The following MFAP3L variants were observed in gnomAD, a reference collection of about 807,000 sequenced individuals.
MFAP3L encodes microfibril associated protein 3 like.
Under a neutral mutation model 20.0 loss-of-function variants are expected in MFAP3L, and 5 were observed. The ratio of observed to expected loss-of-function variants is 0.25; its 90% CI spans 0.13 to 0.53. The LOEUF (loss-of-function observed/expected upper bound fraction) is 0.53, where lower values mean the gene tolerates loss of function less well. Among genes scored for constraint, MFAP3L ranks in the 20% least tolerant of loss-of-function variants. The probability of loss-of-function intolerance (pLI) is 0.96; values close to 1 mark genes in which losing one functional copy is unlikely to be tolerated. For missense variants in MFAP3L, 409 were observed against 527.5 expected, an observed-to-expected ratio of 0.78 and a Z score of 2.20; for synonymous variants, 219 against 213.0, an observed-to-expected ratio of 1.03 and a Z score of -0.25.
intron 2 of MFAP3L, among the ~76,000 whole-genome samples, chr4:169,999,092 GC>G (rs1738424376): frequency 6.6e-6 from 1 of 152,194 alleles, no homozygotes; most frequent in African/African-American, 2.4e-5. Flanking sequence ...CTGTTACAAG[GC>G]ATCTGCAGAA....
intron 2 of MFAP3L, among the ~76,000 whole-genome samples, chr4:169,999,264 A>G (rs1738439842): frequency 6.6e-6 from 1 of 152,062 alleles, no homozygotes; most frequent in East Asian, 1.9e-4. Context: ...TGTAGAGCGA[A>G]GGTGGCCTGG....
chr4:170,027,121 T>C (rs1730500836), upstream of MFAP3L: 1 of 152,140 alleles, frequency 6.6e-6, no homozygotes, highest in Non-Finnish European at 1.5e-5. Context: ...AAGTTGATTT[T>C]TTAATTAAAA....
chr4:170,022,641 T>C (rs1581531227), intron 1 of MFAP3L, among the ~76,000 whole-genome samples: 1 of 152,286 alleles, frequency 6.6e-6, no homozygotes, highest in East Asian at 1.9e-4. Context: ...CGAGCCATCA[T>C]TCAGGTGGGC....
At chr4:170,010,039 T>C (rs561253171) in intron 1 of MFAP3L, among the ~76,000 whole-genome samples, 1 of 152,318 alleles carries the variant, frequency 6.6e-6, no homozygotes, top group Admixed American at 6.5e-5. Context: ...CACAGGCACA[T>C]AAGCTACCTT....
intron 1 of MFAP3L, among the ~76,000 whole-genome samples, chr4:170,012,680 G>C (rs1393333903): frequency 1.3e-5 from 2 of 152,208 alleles, no homozygotes; most frequent in East Asian, 3.9e-4. Context: ...AGAAGAATTA[G>C]AGCCTGTCTT....
At chr4:170,017,192 C>T (rs930171177) in intron 1 of MFAP3L, among the ~76,000 whole-genome samples, 4 of 152,090 alleles carry the variant, frequency 2.6e-5, no homozygotes, top group Non-Finnish European at 4.4e-5. Flanking sequence ...TTCCTCTTTA[C>T]CAGCCCATTA....
At chr4:169,994,123 T>C (rs1023454279) in intron 2 of MFAP3L, 1 of 959,312 alleles carries the variant, frequency 1.0e-6, no homozygotes, top group Admixed American at 6.2e-5. Flanking sequence ...TCTAACTGAT[T>C]GAAAGCTTAT....
rs1392586836 is a variant in MFAP3L at position 169,991,654 on chromosome 4, C to G, written c.954G>C (p.Lys318Asn). ...TTTTGGACTGCGGGTGAACTGACAC[C>G]TTGATGGCAATTTGCTGAGGTTGCT... ...LHEQPQQIAI[K>N]VSVHPQSKKE... The change falls in exon 3 of 3, where the codon AAG becomes AAC. Residue 318 changes from lysine to asparagine, a missense_variant. Lys to Asn is a moderately conservative substitution (Grantham distance 94). This residue lies in a region of MFAP3L where 169 missense variants were observed against 178.2 expected (regional missense o/e 0.95). Transcript: ENST00000361618. This position sits in a 1 kb window ranked among gnomAD's most constrained non-coding sequence, Gnocchi z 4.9. 11 of 1,614,066 alleles carry G rather than the reference C, an allele frequency of 6.8e-6. No homozygotes were observed. The highest frequency in any genetic ancestry group is 2.2e-5 in the East Asian group (1 of 44,892).
Position 169,999,870 on chromosome 4 carries a change from G to A in MFAP3L, c.298+5710C>T, listed in dbSNP as rs760277078. 5.8e-4 allele frequency among the ~76,000 whole-genome samples: 89 copies of A among 152,230 alleles called. 1 individual carries two copies. Among genetic ancestry groups the A allele is most frequent in the Non-Finnish European group, 1.0e-3 (71 of 68,010 alleles). On this transcript the variant is annotated intron_variant, in intron 2 of 2. Transcript: ENST00000361618. Reference sequence around the variant, plus strand: ...GGGTTACAGCAGGGTTTCTCAACTCGGGTACTACTGACATTTGGGGCTCGA... The same window carrying A: ...GGGTTACAGCAGGGTTTCTCAACTCAGGTACTACTGACATTTGGGGCTCGA...
intron 2 of MFAP3L, chr4:170,002,200 C>A: frequency 3.0e-6 from 3 of 985,292 alleles, no homozygotes; most frequent in Non-Finnish European, 3.6e-6. Flanking sequence ...GAGTGAGAGG[C>A]TCTTCAACAT....
chr4:170,000,830 G>A (rs1031299956), intron 2 of MFAP3L, among the ~76,000 whole-genome samples: 1 of 151,916 alleles, frequency 6.6e-6, no homozygotes, highest in South Asian at 2.1e-4. Flanking sequence ...TCATGCAATC[G>A]TCCCACCTCA....
intron 1 of MFAP3L, among the ~76,000 whole-genome samples, chr4:170,021,092 A>C (rs1217549717): frequency 3.9e-5 from 6 of 152,168 alleles, no homozygotes; most frequent in Non-Finnish European, 8.8e-5. Flanking sequence ...GTTAGAACCC[A>C]GGGAAAGCAG....
At chr4:169,996,166 C>T (rs1217643655) in intron 2 of MFAP3L, among the ~76,000 whole-genome samples, 2 of 139,048 alleles carry the variant, frequency 1.4e-5, no homozygotes, top group African/African-American at 6.9e-5. Context: ...CCAGAAATTG[C>T]CAGGGACCTG....
chr4:169,998,838 T>C (rs1738401014), intron 2 of MFAP3L, among the ~76,000 whole-genome samples: 1 of 152,236 alleles, frequency 6.6e-6, no homozygotes, highest in South Asian at 2.1e-4. Context: ...GAAACTAATT[T>C]AAAAATATTC....
chr4:170,017,473 T>C (rs1317448049), intron 1 of MFAP3L, among the ~76,000 whole-genome samples: 1 of 152,160 alleles, frequency 6.6e-6, no homozygotes, highest in Non-Finnish European at 1.5e-5. Context: ...CCTGTGATTC[T>C]GCCCACACAA....
At position 169,991,436 on chromosome 4, in the gene MFAP3L, G is replaced by C. The variant is rs1263296183; in HGVS notation, c.1172C>G (p.Thr391Arg). 6.2e-7 allele frequency: 1 copy of C among 1,614,158 alleles called. No individual in the cohort carries two copies. The highest frequency in any genetic ancestry group is 8.5e-7 in the Non-Finnish European group (1 of 1,180,034). The change falls in exon 3 of 3, where the codon ACA becomes AGA. Residue 391 changes from threonine (T) to arginine (R), a missense_variant. Physicochemically the swap from Thr to Arg is moderately conservative, Grantham distance 71. Transcript: ENST00000361618. The surrounding 1 kb of genome is among the most constrained non-coding windows in gnomAD (Gnocchi z 4.9). ...KVLPPAYLEA[T>R]EPAVTHDKNT... ...TTTGTCATGTGTCACTGCTGGCTCTGTGGCTTCCAGGTAAGCTGGCGGCAG... is the reference window on the plus strand; with the variant it reads ...TTTGTCATGTGTCACTGCTGGCTCTCTGGCTTCCAGGTAAGCTGGCGGCAG...
At position 169,992,324 on chromosome 4, in the gene MFAP3L, A is replaced by G. The variant is rs773838305; in HGVS notation, c.299-15T>C. 6.3e-7 allele frequency: 1 copy of G among 1,590,924 alleles called. No homozygotes were observed. The highest frequency in any genetic ancestry group is 8.6e-7 in the Non-Finnish European group (1 of 1,166,974). ...TTGCCATTTTCCTGTCGGAAGGGAG[A>G]GAAGAGAATTCAACCAAGGACACAG... On this transcript the variant is annotated splice_polypyrimidine_tract_variant and intron_variant, in intron 2 of 2. Transcript: ENST00000361618. The surrounding 1 kb of genome is among the most constrained non-coding windows in gnomAD (Gnocchi z 4.3).
chr4:170,006,313 G>T (rs936323444), intron 1 of MFAP3L, among the ~76,000 whole-genome samples: 40 of 151,788 alleles, frequency 2.6e-4, no homozygotes, highest in African/African-American at 8.7e-4. Context: ...AGGTTTCACC[G>T]TGTTGGCCAG....
intron 2 of MFAP3L, chr4:170,005,248 A>C: frequency 2.7e-6 from 1 of 365,854 alleles, no homozygotes; most frequent in Non-Finnish European, 4.9e-6. Flanking sequence ...CATGAAAGAA[A>C]ACAAAACTCC....
Sources: allele counts gnomAD v4.1 joint callset (sites outside exome capture counted in the v4.1 genomes callset), GRCh38; gene constraint gnomAD v4.1.1; regional missense constraint gnomAD v4.1.1; non-coding constraint Gnocchi (gnomAD v3.1); transcripts MANE v1.5; gene names NCBI Gene and HGNC (gene_info 2026-07-23, HGNC 2026-07-21).